The following PLXDC2 variants were observed in gnomAD, a reference collection of about 807,000 sequenced individuals.
PLXDC2 encodes the protein plexin domain-containing protein 2.
A neutral mutation model predicts 68.9 loss-of-function variants in PLXDC2; 40 were observed. The ratio of observed to expected loss-of-function variants is 0.58; its 90% CI spans 0.45 to 0.76. The LOEUF (loss-of-function observed/expected upper bound fraction) is 0.76. Ranked by LOEUF, PLXDC2 falls within the 30% of genes least tolerant of loss-of-function variation. The pLI is 0.00. For synonymous variants in PLXDC2, 243 were observed against 234.2 expected (o/e 1.04, Z -0.34); for missense variants, 644 against 661.9 (o/e 0.97, Z 0.30).
intron 4 of PLXDC2, among the ~76,000 whole-genome samples, chr10:20,122,377 G>A (rs893945018): frequency 1.3e-4 from 20 of 152,146 alleles, no homozygotes; most frequent in African/African-American, 3.1e-4. Context: ...GAAGCTCAGC[G>A]TCCGTGATGG....
At chr10:19,853,145 A>G (rs186209280) in intron 1 of PLXDC2, among the ~76,000 whole-genome samples, 1 of 152,344 alleles carries the variant, frequency 6.6e-6, no homozygotes, top group Admixed American at 6.5e-5. Flanking sequence ...AGGAAGGGAC[A>G]AGGTATCTAA....
chr10:20,145,120 T>C (rs1475294732), intron 5 of PLXDC2, among the ~76,000 whole-genome samples: 2 of 152,208 alleles, frequency 1.3e-5, no homozygotes, highest in African/African-American at 4.8e-5. Context: ...TGAATAAAAA[T>C]AATTACATAC....
At chr10:19,979,174 A>G (rs965559340) in intron 1 of PLXDC2, among the ~76,000 whole-genome samples, 3 of 152,150 alleles carry the variant, frequency 2.0e-5, no homozygotes, top group Non-Finnish European at 2.9e-5. Flanking sequence ...CCACTTCTGC[A>G]TAAGACTTTA....
chr10:20,089,493 A>G (rs1833248664), intron 4 of PLXDC2, among the ~76,000 whole-genome samples: 7 of 152,178 alleles, frequency 4.6e-5, no homozygotes, highest in Admixed American at 3.9e-4. Context: ...AGAGAAGGCC[A>G]GGAAGACAGA....
intron 1 of PLXDC2, among the ~76,000 whole-genome samples, chr10:19,854,632 A>G (rs779401515): frequency 1.3e-5 from 2 of 152,168 alleles, no homozygotes; most frequent in Non-Finnish European, 2.9e-5. Context: ...TTAATATTTT[A>G]TTTGGCAAGC....
At chr10:20,206,736 G>A (rs1317911921) in intron 9 of PLXDC2, among the ~76,000 whole-genome samples, 1 of 152,004 alleles carries the variant, frequency 6.6e-6, no homozygotes, top group Non-Finnish European at 1.5e-5. Flanking sequence ...ATTTGCATTT[G>A]GACAGGCATC....
chr10:19,940,533 G>T (rs1833800654), intron 1 of PLXDC2, among the ~76,000 whole-genome samples: 1 of 146,662 alleles, frequency 6.8e-6, no homozygotes, highest in African/African-American at 2.6e-5. Flanking sequence ...ACTTATTAAA[G>T]CTTATTTGAT....
rs1049574055 is a variant in PLXDC2, at chr10:20,033,072, T to C, written c.325-13797T>C. Among the ~76,000 whole-genome samples, 4 of 150,088 alleles carry C rather than the reference T, an allele frequency of 2.7e-5. No homozygotes were observed. In the East Asian group the frequency reaches 6.0e-4, roughly 23 times the overall value. On this transcript the variant is annotated intron_variant, in intron 2 of 13. Transcript: ENST00000377252. ...GGGGAAGGGATAGCATTAGGAGATA[T>C]ACCTAAAGTAAATGATGAGTTAATG...
chr10:20,287,985 A>AGG lies in PLXDC2; in HGVS notation c.*8176_*8177dup, dbSNP rs1176860580. On this transcript the variant is annotated 3_prime_UTR_variant, in exon 14 of 14. Transcript: ENST00000377252. ...AATTGGGCACTTCTTGCGGCGGGGG[A>AGG]GGGGGGGGGGGCGGTGGCTTTCCAG... 34 of 33,202 alleles carry AGG rather than the reference A, an allele frequency of 1.0e-3. 1 individual carries two copies. The highest frequency in any genetic ancestry group is 3.0e-3 in the African/African-American group (26 of 8,778). The allele number at this position is 33,202 out of a possible 1,614,324, so 2.1% of individuals were successfully genotyped here.
intron 1 of PLXDC2, among the ~76,000 whole-genome samples, chr10:19,928,652 G>C (rs1202453699): frequency 6.6e-6 from 1 of 151,940 alleles, no homozygotes; most frequent in African/African-American, 2.4e-5. Context: ...TGCTGCATTT[G>C]AGAGAAAGGA....
rs531141814 is a variant in PLXDC2 at position 20,161,499 on chromosome 10, A to G, written c.784-2969A>G. On this transcript the variant is annotated intron_variant, in intron 6 of 13. Transcript: ENST00000377252. ...GCTTCCTGCTCTCCTCTTTTGCCAT[A>G]TTATTGAGCCTGGAATCTGAGTGGG... Among the ~76,000 whole-genome samples, 118 of 147,230 alleles carry G rather than the reference A, an allele frequency of 8.0e-4. 1 individual carries two copies. Among genetic ancestry groups the G allele is most frequent in the African/African-American group, 2.1e-3 (83 of 39,644 alleles).
chr10:19,859,019 CGAGAGAGAGAGA>C (rs60326474), intron 1 of PLXDC2, among the ~76,000 whole-genome samples: 1 of 130,944 alleles, frequency 7.6e-6, no homozygotes, highest in African/African-American at 2.7e-5. Flanking sequence ...AGAAAAGCAG[CGAGAGAGAGAGA>C]GAGAGAGAGA....
chr10:20,214,506 C>G (rs1405763128), intron 10 of PLXDC2, among the ~76,000 whole-genome samples: 4 of 152,044 alleles, frequency 2.6e-5, no homozygotes, highest in Admixed American at 6.6e-5. Context: ...GATTTTTTTC[C>G]TCAGGGCAAA....
intron 4 of PLXDC2, among the ~76,000 whole-genome samples, chr10:20,069,176 A>G (rs1836274045): frequency 6.6e-6 from 1 of 152,130 alleles, no homozygotes. Flanking sequence ...GCCATACTTT[A>G]ATATAAGACC....
rs559087168 is a variant in PLXDC2, at chr10:20,035,868, G to A, written c.325-11001G>A. ...AGTTGATTGTGTGAAATTCTTAACT[G>A]AGTTATAATTTTTAGAAGTTGATTC... On this transcript the variant is annotated intron_variant, in intron 2 of 13. Transcript: ENST00000377252. Among the ~76,000 whole-genome samples, 3 of 152,136 alleles carry A rather than the reference G, an allele frequency of 2.0e-5. No individual in the cohort carries two copies. The South Asian group carries it at 6.2e-4, about 32-fold the overall frequency.
In PLXDC2 at chr10:20,287,946, G is replaced by A. The variant is rs1013941755; in HGVS notation, c.*8127G>A. On this transcript the variant is annotated 3_prime_UTR_variant, in exon 14 of 14. Coordinates refer to ENST00000377252, the MANE Select transcript of PLXDC2 (RefSeq NM_032812.9). The stretch of plus-strand genomic sequence containing the variant: ...GTGTAGTCATTTGAAATGTTGAAGT[G>A]TGAAAAGAGAAGAAATTGGGCACTT... The A allele has an allele frequency of 2.6e-5, 3 of 117,214 alleles. No individual in the cohort carries two copies. The highest frequency in any genetic ancestry group is 2.7e-4 in the East Asian group (1 of 3,654). The allele number at this position is 117,214 out of a possible 1,614,324, so 7.3% of individuals were successfully genotyped here.
intron 12 of PLXDC2, among the ~76,000 whole-genome samples, chr10:20,231,609 AACAG>A (rs777896459): frequency 6.6e-6 from 1 of 152,128 alleles, no homozygotes; most frequent in East Asian, 1.9e-4. Flanking sequence ...TAAAATAGAA[AACAG>A]ACAAATAACA....
At chr10:19,822,673 T>C (rs540937880) in intron 1 of PLXDC2, among the ~76,000 whole-genome samples, 1 of 152,290 alleles carries the variant, frequency 6.6e-6, no homozygotes, top group African/African-American at 2.4e-5. Flanking sequence ...ATCTTAATAT[T>C]AGTAGGTGTG....
chr10:19,837,735 C>T (rs564003666), intron 1 of PLXDC2, among the ~76,000 whole-genome samples: 63 of 152,210 alleles, frequency 4.1e-4, no homozygotes, highest in African/African-American at 1.4e-3. Flanking sequence ...CTGCAGTGAT[C>T]GTTCAGTTTG....
Sources: gnomAD v4.1 joint callset for allele counts (sites outside exome capture counted in the v4.1 genomes callset) on GRCh38, gnomAD v4.1.1 for gene constraint, MANE v1.5 for transcripts, NCBI Gene and HGNC (gene_info 2026-07-23, HGNC 2026-07-21) for gene names.